Variants in OSBPL9 observed in about 807,000 individuals in gnomAD.
OSBPL9 encodes the protein oxysterol-binding protein-related protein 9.
A neutral mutation model predicts 106.6 loss-of-function variants in OSBPL9; 40 were observed. The ratio of observed to expected loss-of-function variants is 0.38; its 90% confidence interval spans 0.29 to 0.49. The LOEUF (loss-of-function observed/expected upper bound fraction) is 0.49, where lower values mean the gene tolerates loss of function less well. OSBPL9 is among the 20% of genes least tolerant of loss of function. The pLI is 0.97. For missense variants in OSBPL9, 609 were observed against 887.2 expected (o/e 0.69, Z 3.98); for synonymous variants, 269 against 295.4 (o/e 0.91, Z 0.92).
At chr1:51,761,707 G>A (rs1671545168) in intron 10 of OSBPL9, among the ~76,000 whole-genome samples, 160 bp from the exon 11 acceptor site, 1 of 152,158 alleles carries the variant, frequency 6.6e-6, no homozygotes, top group Non-Finnish European at 1.5e-5. Context: ...AGTTTAAGAG[G>A]CTAGGAAGTC....
chr1:51,765,660 C>G (rs528384336), intron 11 of OSBPL9, 162 bp from the exon 12 acceptor site: 1 of 540,100 alleles, frequency 1.9e-6, no homozygotes, highest in Non-Finnish European at 3.1e-6. Context: ...TTGCCATTTT[C>G]TGTGTGGAGT....
chr1:51,520,425 G>T, the OSBPL9 span, among the ~76,000 whole-genome samples: 2,929 of 152,278 alleles, frequency 0.019, 46 homozygotes, highest in Non-Finnish European at 0.031. Context: ...TTGTTCTGAT[G>T]TGACCGTTTT....
intron 1 of OSBPL9, among the ~76,000 whole-genome samples, chr1:51,618,266 G>A (rs1033810023): frequency 6.6e-6 from 1 of 152,014 alleles, no homozygotes; most frequent in African/African-American, 2.4e-5. Flanking sequence ...TGATCCACCC[G>A]CCTCGGCCTC....
Position 51,748,689 on chromosome 1 carries a change from T to A in OSBPL9, c.492+291T>A, listed in dbSNP as rs12063886. 3.7e-3 allele frequency among the ~76,000 whole-genome samples: 568 copies of A among 152,162 alleles called. 4 individuals are homozygous for A. Among genetic ancestry groups the A allele is most frequent in the African/African-American group, 0.012 (514 of 41,500 alleles). ...ACAGTGGATATGTTATTTCATATTT[T>A]AAAAAAAATAATTAATTTCTTTGAT... On this transcript the variant is annotated intron_variant, in intron 7 of 23. Coordinates refer to ENST00000428468, the MANE Select transcript of OSBPL9 (RefSeq NM_024586.6).
intron 4 of OSBPL9, chr1:51,730,231 G>A: frequency 1.8e-6 from 2 of 1,108,388 alleles, no homozygotes; most frequent in Non-Finnish European, 2.3e-6. Context: ...TCCACCGAGA[G>A]GGCATTCGCC....
chr1:51,741,787 T>C (rs1467892347), intron 4 of OSBPL9, among the ~76,000 whole-genome samples: 1 of 152,170 alleles, frequency 6.6e-6, no homozygotes, highest in African/African-American at 2.4e-5. Flanking sequence ...CATTTTGTCT[T>C]TATTTCTCTA....
At chr1:51,613,829 C>A (rs1175813748), upstream of OSBPL9, among the ~76,000 whole-genome samples, 2 of 151,690 alleles carry the variant, frequency 1.3e-5, no homozygotes, top group Non-Finnish European at 2.9e-5. Context: ...GTATCCTTGA[C>A]CTCCTGGGCT....
chr1:51,529,396 C>A, the OSBPL9 span, among the ~76,000 whole-genome samples: 1 of 152,008 alleles, frequency 6.6e-6, no homozygotes, highest in South Asian at 2.1e-4. Context: ...CGCCACCATG[C>A]CTGGCTAATT....
chr1:51,684,015 A>T (rs906276989), intron 3 of OSBPL9, among the ~76,000 whole-genome samples: 4 of 151,860 alleles, frequency 2.6e-5, no homozygotes, highest in East Asian at 3.9e-4. Context: ...TTATTTATTT[A>T]TTTTTTGAGA....
intron 3 of OSBPL9, among the ~76,000 whole-genome samples, chr1:51,696,803 G>A (rs931318190): frequency 1.3e-4 from 20 of 151,146 alleles, no homozygotes; most frequent in Non-Finnish European, 2.2e-4. Context: ...CCCCTGTCCC[G>A]TTTTTTTTTA....
chr1:51,647,796 T>A (rs923685634), intron 1 of OSBPL9, among the ~76,000 whole-genome samples: 2 of 152,194 alleles, frequency 1.3e-5, no homozygotes, highest in African/African-American at 4.8e-5. Context: ...AGCTAATGAT[T>A]TATCAATTTT....
At chr1:51,565,879 T>A in the OSBPL9 span, 1 of 152,256 alleles carries the variant, frequency 6.6e-6, no homozygotes. Context: ...TGATCTTTGT[T>A]TTCTTATCTG....
intron 3 of OSBPL9, among the ~76,000 whole-genome samples, chr1:51,670,616 A>G (rs1263917878): frequency 6.6e-6 from 1 of 152,222 alleles, no homozygotes; most frequent in East Asian, 1.9e-4. Flanking sequence ...CAGTGTACTC[A>G]ATAGTGATAT....
intron 4 of OSBPL9, among the ~76,000 whole-genome samples, chr1:51,733,724 G>C (rs189834337): frequency 6.6e-6 from 1 of 151,910 alleles, no homozygotes; most frequent in Non-Finnish European, 1.5e-5. Flanking sequence ...GCAGTGAGCC[G>C]AGGTCACACC....
At chr1:51,751,715 T>C (rs557559202) in intron 8 of OSBPL9, among the ~76,000 whole-genome samples, 5 of 152,200 alleles carry the variant, frequency 3.3e-5, no homozygotes, top group Admixed American at 6.5e-5. Context: ...GAGGAGCTGA[T>C]ACAGTGTTTA....
chr1:51,728,109 AG>A (rs1663463915), intron 4 of OSBPL9, among the ~76,000 whole-genome samples: 1 of 152,268 alleles, frequency 6.6e-6, no homozygotes, highest in Non-Finnish European at 1.5e-5. Context: ...TGTGCAAAGC[AG>A]AAAATAGGTA....
chr1:51,527,029 C>T, the OSBPL9 span, among the ~76,000 whole-genome samples: 1 of 152,080 alleles, frequency 6.6e-6, no homozygotes, highest in Non-Finnish European at 1.5e-5. Context: ...CAGGCATGAG[C>T]CATCGCGCCT....
At chr1:51,595,204 G>A (rs1645293721) in intron 1 of OSBPL9, among the ~76,000 whole-genome samples, 1 of 152,166 alleles carries the variant, frequency 6.6e-6, no homozygotes, top group Non-Finnish European at 1.5e-5. Context: ...CAGGTGTTAA[G>A]GGAGCGGCAG....
At chr1:51,688,643 T>A (rs72898041) in intron 3 of OSBPL9, among the ~76,000 whole-genome samples, 4,685 of 152,180 alleles carry the variant, frequency 0.031, 140 homozygotes, top group Middle Eastern at 0.088. Context: ...ACTAAAAAAA[T>A]TTTTTAAAAG....
Sources: allele counts gnomAD v4.1 joint callset (sites outside exome capture counted in the v4.1 genomes callset), GRCh38; gene constraint gnomAD v4.1.1; transcripts MANE v1.5; gene names NCBI Gene and HGNC (gene_info 2026-07-23, HGNC 2026-07-21).